HIP1: variants seen among roughly 807,000 people sequenced by gnomAD.
HIP1 encodes the protein huntingtin-interacting protein 1.
Under a neutral mutation model 147.6 loss-of-function variants are expected in HIP1, and 65 were observed. The observed-to-expected ratio is 0.44, with a 90% CI of 0.36 to 0.54. The LOEUF (loss-of-function observed/expected upper bound fraction) is 0.54. Ranked by LOEUF, HIP1 falls within the 20% of genes least tolerant of loss-of-function variation. The pLI, the probability that HIP1 is intolerant of heterozygous loss-of-function variation, is 0.00. For synonymous variants in HIP1, 479 were observed against 504.0 expected, an observed-to-expected ratio of 0.95 and a Z score of 0.67; for missense variants, 1,061 against 1,299.6, an observed-to-expected ratio of 0.82 and a Z score of 2.82.
At chr7:75,725,504 T>G (rs1470813708) in intron 1 of HIP1, among the ~76,000 whole-genome samples, 1 of 152,134 alleles carries the variant, frequency 6.6e-6, no homozygotes, top group Admixed American at 6.6e-5. Context: ...CACCCAAAGA[T>G]AACTTTTACT....
chr7:75,539,709 C>T (rs1554489498), intron 29 of HIP1, among the ~76,000 whole-genome samples: 1 of 152,132 alleles, frequency 6.6e-6, no homozygotes. Flanking sequence ...CTTTATCTGG[C>T]CCTCAATTTC....
At chr7:75,557,338 C>CA (rs1279499055) in intron 16 of HIP1, among the ~76,000 whole-genome samples, 4 of 150,132 alleles carry the variant, frequency 2.7e-5, no homozygotes, top group Admixed American at 6.6e-5. Flanking sequence ...AACAAACAAA[C>CA]AAAACAAACA....
Position 75,533,836 on chromosome 7 carries a change from GT to G in HIP1, c.*4335del, listed in dbSNP as rs2116693669. 1 of 235,468 alleles carries G rather than the reference GT, an allele frequency of 4.2e-6. No individual in the cohort carries two copies. Among genetic ancestry groups the G allele is most frequent in the South Asian group, 1.8e-4 (1 of 5,560 alleles). 14.6% of individuals were successfully genotyped at this position (235,468 alleles called of 1,614,324 possible). A position where few individuals can be genotyped will look rare whatever the true frequency, so the allele number is the denominator to read the frequency against. The stretch of plus-strand genomic sequence containing the variant: ...GAATTTGGCAGCAAACAGCTGGCTG[GT>G]TTGCTGCGCCGATGGCTGGCAGGTC... On this transcript the variant is annotated 3_prime_UTR_variant, in exon 31 of 31. Coordinates refer to ENST00000336926, the MANE Select transcript of HIP1 (RefSeq NM_005338.7).
At chr7:75,589,462 A>C (rs587625475) in intron 4 of HIP1, among the ~76,000 whole-genome samples, 2 of 151,966 alleles carry the variant, frequency 1.3e-5, no homozygotes, top group South Asian at 4.2e-4. Context: ...AGGAGGGAAG[A>C]TCACTTGAGG....
At chr7:75,712,775 TACTCATTCATTCACTC>T (rs571064305) in intron 1 of HIP1, among the ~76,000 whole-genome samples, 130 of 152,256 alleles carry the variant, frequency 8.5e-4, no homozygotes, top group Non-Finnish European at 1.5e-3. Context: ...CTCTCTCATT[TACTCATTCATTCACTC>T]ACTCATTCAT....
intron 1 of HIP1, among the ~76,000 whole-genome samples, chr7:75,624,601 C>G (rs148486025): frequency 6.6e-6 from 1 of 152,178 alleles, no homozygotes; most frequent in Non-Finnish European, 1.5e-5. Flanking sequence ...TAAAGCACAG[C>G]TCCAATCATG....
At chr7:75,590,277 T>C (rs1409528384) in intron 4 of HIP1, among the ~76,000 whole-genome samples, 1 of 152,196 alleles carries the variant, frequency 6.6e-6, no homozygotes, top group Non-Finnish European at 1.5e-5. Context: ...AACTAAAATA[T>C]TCTAAAGTCT....
At chr7:75,589,501 A>G (rs1279517578) in intron 4 of HIP1, among the ~76,000 whole-genome samples, 1 of 151,710 alleles carries the variant, frequency 6.6e-6, no homozygotes, top group Non-Finnish European at 1.5e-5. Flanking sequence ...CCTGGCCAAC[A>G]TGGCAAAACC....
intron 1 of HIP1, among the ~76,000 whole-genome samples, chr7:75,671,163 G>C (rs1799721515): frequency 6.6e-6 from 1 of 151,938 alleles, no homozygotes; most frequent in Admixed American, 6.6e-5. Flanking sequence ...GAGCAATCTC[G>C]GTTCACTGCA....
intron 8 of HIP1, 131 bp downstream of exon 8, chr7:75,573,630 G>A (rs587673492): frequency 2.2e-5 from 20 of 892,112 alleles, no homozygotes; most frequent in East Asian, 7.6e-5. Flanking sequence ...CAGAAGCTCC[G>A]GGGCCTTTTG....
intron 1 of HIP1, among the ~76,000 whole-genome samples, chr7:75,717,291 A>C (rs1373733331): frequency 6.6e-6 from 1 of 152,118 alleles, no homozygotes; most frequent in Non-Finnish European, 1.5e-5. Flanking sequence ...AAAGACAGTT[A>C]CTCCAGGAAT....
intron 1 of HIP1, chr7:75,625,523 G>C (rs1259353347): frequency 1.3e-5 from 2 of 152,262 alleles, no homozygotes; most frequent in African/African-American, 4.8e-5. Flanking sequence ...GGTGTGGAAA[G>C]GGGGCCTGCC....
chr7:75,676,111 T>G (rs1162389626), intron 1 of HIP1, among the ~76,000 whole-genome samples: 3 of 152,204 alleles, frequency 2.0e-5, no homozygotes, highest in Non-Finnish European at 4.4e-5. Context: ...TTGTTCTTGT[T>G]GCTGTTTATT....
intron 1 of HIP1, among the ~76,000 whole-genome samples, chr7:75,680,201 C>T (rs868914199): frequency 3.9e-5 from 6 of 152,144 alleles, no homozygotes; most frequent in African/African-American, 1.4e-4. Context: ...AGCCACCACA[C>T]CCAGCTAATT....
intron 1 of HIP1, among the ~76,000 whole-genome samples, chr7:75,621,556 C>G (rs1554507124): frequency 1.3e-5 from 2 of 152,110 alleles, no homozygotes; most frequent in Non-Finnish European, 2.9e-5. Context: ...TGCCTGGCCT[C>G]CCTGGAAGGT....
chr7:75,585,185 C>CTTTTT (rs71098036), intron 5 of HIP1, among the ~76,000 whole-genome samples: 1 of 133,444 alleles, frequency 7.5e-6, no homozygotes, highest in East Asian at 2.2e-4. Flanking sequence ...CCCAAAACGT[C>CTTTTT]TTTTTTTTTT....
intron 1 of HIP1, among the ~76,000 whole-genome samples, chr7:75,662,726 G>A (rs897664570): frequency 4.0e-5 from 6 of 151,868 alleles, no homozygotes; most frequent in African/African-American, 1.2e-4. Context: ...GTCTTGTCTC[G>A]AACTCCTGAC....
chr7:75,650,198 T>A (rs1798926668), intron 1 of HIP1, among the ~76,000 whole-genome samples: 1 of 152,094 alleles, frequency 6.6e-6, no homozygotes, highest in Admixed American at 6.6e-5. Context: ...TCAGAGGGCC[T>A]TTTAGAGGCA....
intron 7 of HIP1, among the ~76,000 whole-genome samples, chr7:75,577,900 T>C (rs1795901857): frequency 2.0e-5 from 3 of 152,116 alleles, no homozygotes; most frequent in African/African-American, 4.8e-5. Context: ...CTCAGGAGGC[T>C]GAGACAGGAG....
Sources: gnomAD v4.1 joint callset for allele counts (sites outside exome capture counted in the v4.1 genomes callset) on GRCh38, gnomAD v4.1.1 for gene constraint, MANE v1.5 for transcripts, NCBI Gene and HGNC (gene_info 2026-07-23, HGNC 2026-07-21) for gene names.